Variants in ANGPT1 observed in about 807,000 individuals in gnomAD.
ANGPT1 encodes the protein angiopoietin-1.
ANGPT1 carries 17 observed loss-of-function variants against 62.2 expected under a neutral mutation model. The observed-to-expected ratio is 0.27, with a 90% CI of 0.19 to 0.41. ANGPT1 has a LOEUF of 0.41. Ranked by LOEUF, ANGPT1 falls within the 10% of genes least tolerant of loss-of-function variation. The pLI, the probability that ANGPT1 is intolerant of heterozygous loss-of-function variation, is 1.00. For missense variants in ANGPT1, 478 were observed against 594.9 expected (o/e 0.80, Z 2.04); for synonymous variants, 199 against 198.9 (o/e 1.00, Z 0.00).
intron 8 of ANGPT1, 52 bp downstream of exon 8, chr8:107,264,169 T>G (rs1215033504): frequency 6.4e-7 from 1 of 1,565,480 alleles, no homozygotes; most frequent in Non-Finnish European, 8.6e-7. Context: ...TAAGAAACCT[T>G]AAGCCCCAAA....
chr8:107,264,850 C>T (rs1218968007), intron 7 of ANGPT1, among the ~76,000 whole-genome samples: 1 of 152,106 alleles, frequency 6.6e-6, no homozygotes, highest in Non-Finnish European at 1.5e-5. Context: ...ACATTAATAT[C>T]CCCAATTTGT....
intron 1 of ANGPT1, among the ~76,000 whole-genome samples, chr8:107,446,396 C>T (rs1676726516): frequency 6.6e-6 from 1 of 152,162 alleles, no homozygotes; most frequent in Admixed American, 6.5e-5. Context: ...CCCCATGTGG[C>T]TAGCTGCTAC....
intron 7 of ANGPT1, among the ~76,000 whole-genome samples, chr8:107,268,443 CATAG>C (rs1302871784): frequency 7.9e-6 from 1 of 125,800 alleles, no homozygotes; most frequent in Non-Finnish European, 1.7e-5. Context: ...TGTGTGTGTA[CATAG>C]ATACAGTCTC....
chr8:107,435,422 T>C (rs1170769141), intron 1 of ANGPT1, among the ~76,000 whole-genome samples: 1 of 152,180 alleles, frequency 6.6e-6, no homozygotes, highest in Non-Finnish European at 1.5e-5. Flanking sequence ...CAAAATGTAA[T>C]GTGTACAAGA....
intron 7 of ANGPT1, among the ~76,000 whole-genome samples, chr8:107,270,618 G>A (rs1015440547): frequency 5.9e-5 from 9 of 151,996 alleles, no homozygotes; most frequent in Non-Finnish European, 1.2e-4. Flanking sequence ...GTCAGAGCAT[G>A]TATGTTAGCA....
intron 7 of ANGPT1, among the ~76,000 whole-genome samples, chr8:107,269,268 A>G (rs1813685081): frequency 6.6e-6 from 1 of 152,016 alleles, no homozygotes; most frequent in African/African-American, 2.4e-5. Flanking sequence ...CAGGTAAATT[A>G]AGGACCAGTC....
intron 1 of ANGPT1, among the ~76,000 whole-genome samples, chr8:107,383,416 A>G (rs541727234): frequency 6.6e-6 from 1 of 152,306 alleles, no homozygotes; most frequent in Admixed American, 6.5e-5. Flanking sequence ...TGTGTCAGAG[A>G]ACAGCTGTAA....
intron 1 of ANGPT1, among the ~76,000 whole-genome samples, chr8:107,364,721 A>G (rs1453776115): frequency 1.3e-5 from 2 of 152,240 alleles, no homozygotes; most frequent in African/African-American, 2.4e-5. Context: ...TGACATTTGC[A>G]TATAAAGAAA....
At chr8:107,463,719 C>T (rs567727926) in intron 1 of ANGPT1, among the ~76,000 whole-genome samples, 1 of 152,094 alleles carries the variant, frequency 6.6e-6, no homozygotes, top group East Asian at 1.9e-4. Context: ...TTCCCATGTA[C>T]AGCTGCTGAC....
intron 2 of ANGPT1, chr8:107,336,514 A>T (rs892008338): frequency 2.5e-6 from 1 of 403,596 alleles, no homozygotes; most frequent in African/African-American, 2.2e-5. Flanking sequence ...AAATACAAAA[A>T]CTTAGCCGGG....
intron 1 of ANGPT1, among the ~76,000 whole-genome samples, chr8:107,353,203 C>T (rs891028327): frequency 3.9e-5 from 6 of 152,108 alleles, no homozygotes; most frequent in African/African-American, 1.4e-4. Context: ...ACCATTAGTA[C>T]AAGAGAGCTG....
chr8:107,318,658 T>C (rs1006252053), intron 4 of ANGPT1, among the ~76,000 whole-genome samples: 1 of 152,286 alleles, frequency 6.6e-6, no homozygotes, highest in Non-Finnish European at 1.5e-5. Flanking sequence ...TGTTTATGTA[T>C]GTATTTATTC....
intron 1 of ANGPT1, among the ~76,000 whole-genome samples, chr8:107,420,942 AAC>A (rs1270185701): frequency 2.0e-5 from 3 of 152,106 alleles, no homozygotes; most frequent in African/African-American, 7.2e-5. Context: ...TACTCCTGCT[AAC>A]ATTTATATTT....
intron 1 of ANGPT1, among the ~76,000 whole-genome samples, chr8:107,396,242 G>A (rs893584503): frequency 6.6e-6 from 1 of 152,092 alleles, no homozygotes; most frequent in African/African-American, 2.4e-5. Context: ...GCAGGCATTT[G>A]TCTATCTTCA....
At chr8:107,400,700 C>G (rs960297569) in intron 1 of ANGPT1, among the ~76,000 whole-genome samples, 1 of 151,810 alleles carries the variant, frequency 6.6e-6, no homozygotes, top group African/African-American at 2.4e-5. Context: ...GCTGGGACTA[C>G]AGGGGCCTGC....
chr8:107,482,503 G>T (rs895942076), intron 1 of ANGPT1, among the ~76,000 whole-genome samples: 1 of 152,162 alleles, frequency 6.6e-6, no homozygotes, highest in Non-Finnish European at 1.5e-5. Flanking sequence ...GGGGTATATG[G>T]ACTTCTAACA....
intron 1 of ANGPT1, among the ~76,000 whole-genome samples, chr8:107,377,131 A>G (rs1448726169): frequency 6.6e-6 from 1 of 152,170 alleles, no homozygotes; most frequent in Admixed American, 6.5e-5. Flanking sequence ...ATAAAGGGCC[A>G]TTTGTTTCAT....
At chr8:107,492,774 G>T (rs1420840675) in intron 1 of ANGPT1, among the ~76,000 whole-genome samples, 1 of 150,434 alleles carries the variant, frequency 6.6e-6, no homozygotes, top group Non-Finnish European at 1.5e-5. Flanking sequence ...GTTCTCATGT[G>T]CACATATTAT....
At chr8:107,440,101 A>G (rs1811435617) in intron 1 of ANGPT1, among the ~76,000 whole-genome samples, 1 of 152,170 alleles carries the variant, frequency 6.6e-6, no homozygotes, top group South Asian at 2.1e-4. Context: ...TGTTCCATAA[A>G]CAGAAAGAAA....
Sources: allele counts gnomAD v4.1 joint callset (sites outside exome capture counted in the v4.1 genomes callset), GRCh38; gene constraint gnomAD v4.1.1; transcripts MANE v1.5; gene names NCBI Gene and HGNC (gene_info 2026-07-23, HGNC 2026-07-21).